SLC28A1: variants seen among roughly 807,000 people sequenced by gnomAD.
SLC28A1 encodes solute carrier family 28 member 1, also known as sodium/nucleoside cotransporter 1.
Under a neutral mutation model 74.8 loss-of-function variants are expected in SLC28A1, and 64 were observed. That is an observed-to-expected ratio of 0.86 (90% CI 0.70 to 1.05). SLC28A1 has a LOEUF of 1.05. Ranked by LOEUF, SLC28A1 falls within the 50% of genes least tolerant of loss-of-function variation. The probability of loss-of-function intolerance (pLI) is 0.00; values close to 1 mark genes in which losing one functional copy is unlikely to be tolerated. For synonymous variants in SLC28A1, 359 were observed against 335.0 expected (o/e 1.07, Z -0.78); for missense variants, 828 against 822.8 (o/e 1.01, Z -0.08).
At position 84,935,039 on chromosome 15, in the gene SLC28A1, C is replaced by G. The variant is rs370895572; in HGVS notation, c.1228C>G (p.Leu410Val). Reference sequence around the variant, plus strand: ...TCCCAACAACAGAGATGCTCAGAACCTCATAGAAGCAGCCAGCACTGGGGC... The same window carrying G: ...TCCCAACAACAGAGATGCTCAGAACGTCATAGAAGCAGCCAGCACTGGGGC... ...VKLTYGDAQN[L>V]IEAASTGAAI... Residue 410 changes from leucine to valine, a missense_variant, in exon 14 of 19, where the codon CTC becomes GTC. This residue lies in a region of SLC28A1 where 767 missense variants were observed against 753.5 expected (regional missense o/e 1.02). Transcript: ENST00000394573. The G allele has an allele frequency of 6.2e-7, 1 of 1,614,078 alleles. No homozygotes were observed. Among genetic ancestry groups the G allele is most frequent in the South Asian group, 1.1e-5 (1 of 91,084 alleles).
At chr15:84,933,396 T>C in intron 13 of SLC28A1, 121 bp downstream of exon 13, 2 of 1,257,696 alleles carry the variant, frequency 1.6e-6, no homozygotes, top group Non-Finnish European at 2.3e-6. Flanking sequence ...TCTCTCCACT[T>C]TTCCTGCTCT....
rs778983770 is a variant in SLC28A1 at position 84,918,549 on chromosome 15, G to A, written c.821G>A (p.Ser274Asn). The change falls in exon 10 of 19, where the codon AGC (serine) becomes AAC (asparagine). Residue 274 changes from serine to asparagine, a missense_variant. Ser to Asn is a conservative substitution (Grantham distance 46). This residue lies in a region of SLC28A1 where 767 missense variants were observed against 753.5 expected (regional missense o/e 1.02). Transcript: ENST00000394573. Reference protein sequence around the residue: ...FQVLPIIVFFSCVISVLYHVG... With the variant: ...FQVLPIIVFFNCVISVLYHVG... The stretch of plus-strand genomic sequence containing the variant: ...GTTCTGCCCATCATTGTCTTTTTCA[G>A]CTGTGTCATATCCGTTCTCTACCAC... 9 of 1,613,996 alleles carry A rather than the reference G, an allele frequency of 5.6e-6. No individual in the cohort carries two copies. The South Asian group carries it at 9.9e-5, about 18-fold the overall frequency.
chr15:84,938,015 C>T (rs1972149495), intron 15 of SLC28A1, among the ~76,000 whole-genome samples: 1 of 152,134 alleles, frequency 6.6e-6, no homozygotes, highest in Non-Finnish European at 1.5e-5. Context: ...ACCTGACCAA[C>T]ATGGAGAAAC....
chr15:84,898,558 G>A (rs558721068), intron 6 of SLC28A1, among the ~76,000 whole-genome samples: 72 of 141,664 alleles, frequency 5.1e-4, no homozygotes, highest in Non-Finnish European at 8.2e-4. Context: ...CAGCCTGGGC[G>A]ACAGAGCAAG....
chr15:84,931,858 C>T lies in SLC28A1; in HGVS notation c.1084-1287C>T, dbSNP rs576937659. On this transcript the variant is annotated intron_variant, in intron 12 of 18. Transcript: ENST00000394573. ...CTCTACTAAAAATACAAAAATTAGC[C>T]GGGCGTGGTGGTGCACACCTGTAAC... Among the ~76,000 whole-genome samples the T allele has an allele frequency of 6.4e-4, 96 of 150,080 alleles. 1 individual carries two copies. The highest frequency in any genetic ancestry group is 1.4e-3 in the African/African-American group (57 of 40,730).
At chr15:84,965,064 A>G in the SLC28A1 span, among the ~76,000 whole-genome samples, 1 of 152,148 alleles carries the variant, frequency 6.6e-6, no homozygotes, top group Non-Finnish European at 1.5e-5. Flanking sequence ...ATCTTGAATT[A>G]TAGTTCCCAT....
At chr15:84,895,252 G>T (rs1965857259) in intron 6 of SLC28A1, 129 bp downstream of exon 6, 9 of 1,574,444 alleles carry the variant, frequency 5.7e-6, no homozygotes, top group African/African-American at 4.0e-5. Context: ...TGGCGCCCCA[G>T]GGCAGGAGCC....
rs1041459225 is a variant in SLC28A1 at position 84,914,533 on chromosome 15, C to T, written c.796-3991C>T. The stretch of plus-strand genomic sequence containing the variant: ...CTGCCTCTTTGCAGGTGTGTGACCT[C>T]GGGTGGGTAGCCAAGATCTCACAGC... On this transcript the variant is annotated intron_variant, in intron 9 of 18. Transcript: ENST00000394573. Among the ~76,000 whole-genome samples, 49 of 152,264 alleles carry T rather than the reference C, an allele frequency of 3.2e-4. 1 individual carries two copies. The highest frequency in any genetic ancestry group is 9.1e-4 in the African/African-American group (38 of 41,560).
chr15:84,889,862 T>TC (rs1415609899), intron 4 of SLC28A1, among the ~76,000 whole-genome samples: 2 of 142,410 alleles, frequency 1.4e-5, no homozygotes, highest in Non-Finnish European at 3.1e-5. Context: ...CCTTTCTCTC[T>TC]TTTTTTTTTT....
chr15:84,954,248 A>G, the SLC28A1 span, among the ~76,000 whole-genome samples: 1 of 152,176 alleles, frequency 6.6e-6, no homozygotes, highest in Non-Finnish European at 1.5e-5. Flanking sequence ...TGAAGCAATC[A>G]CTGTGACCAG....
At chr15:84,946,104 A>T (rs1168845593), downstream of SLC28A1, among the ~76,000 whole-genome samples, 68 of 12,716 alleles carry the variant, frequency 5.3e-3, 6 homozygotes, top group Middle Eastern at 0.062. Context: ...ATATATATAT[A>T]TATATATATT....
At chr15:84,916,240 C>CAGGCGTGAGCCACCATGCCTGGCCTTT (rs1555449976) in intron 9 of SLC28A1, among the ~76,000 whole-genome samples, 1 of 98,424 alleles carries the variant, frequency 1.0e-5, no homozygotes, top group South Asian at 4.3e-4. Context: ...GCTGGGATTA[C>CAGGCGTGAGCCACCATGCCTGGCCTTT]TTTTTTTTTT....
At chr15:84,945,008 C>G in intron 18 of SLC28A1, 117 bp from the exon 19 acceptor site, 1 of 1,114,082 alleles carries the variant, frequency 9.0e-7, no homozygotes, top group South Asian at 1.2e-5. Context: ...GGCTCGAGGA[C>G]CAATGGAGGA....
intron 9 of SLC28A1, among the ~76,000 whole-genome samples, chr15:84,912,957 G>A (rs1596289479): frequency 1.3e-5 from 2 of 152,054 alleles, no homozygotes; most frequent in South Asian, 2.1e-4. Context: ...ATGAAGCCTG[G>A]GGTGGGATGG....
the SLC28A1 span, among the ~76,000 whole-genome samples, chr15:84,956,173 T>C: frequency 6.6e-6 from 1 of 152,206 alleles, no homozygotes; most frequent in African/African-American, 2.4e-5. Context: ...TTAGTGATTT[T>C]AGATAGTGCC....
chr15:84,889,560 G>A (rs1177876860), intron 4 of SLC28A1, among the ~76,000 whole-genome samples: 3 of 152,180 alleles, frequency 2.0e-5, no homozygotes. Flanking sequence ...CATTGAGTGG[G>A]CGTCTACTCA....
chr15:84,950,715 A>G (rs1477832842), downstream of SLC28A1, among the ~76,000 whole-genome samples: 1 of 152,092 alleles, frequency 6.6e-6, no homozygotes, highest in Admixed American at 6.6e-5. Context: ...AAAGAAAAAG[A>G]AAAAGGACTA....
the SLC28A1 span, among the ~76,000 whole-genome samples, chr15:84,964,614 G>T: frequency 6.6e-6 from 1 of 152,188 alleles, no homozygotes; most frequent in African/African-American, 2.4e-5. Flanking sequence ...CATCAATGAT[G>T]GTACCAGGGA....
intron 7 of SLC28A1, among the ~76,000 whole-genome samples, chr15:84,904,788 ATG>A (rs201850171): frequency 1.3e-5 from 1 of 79,500 alleles, no homozygotes; most frequent in African/African-American, 5.6e-5. Flanking sequence ...CTAAATTCTG[ATG>A]TGTACTAAAT....
Sources: gnomAD v4.1 joint callset for allele counts (sites outside exome capture counted in the v4.1 genomes callset) on GRCh38, gnomAD v4.1.1 for gene constraint, gnomAD v4.1.1 regional missense constraint, MANE v1.5 for transcripts, NCBI Gene and HGNC (gene_info 2026-07-23, HGNC 2026-07-21) for gene names.